TFDP2: variants seen among roughly 807,000 people sequenced by gnomAD.
TFDP2 encodes the protein transcription factor Dp-2 (E2F dimerization partner 2).
TFDP2 carries 17 observed loss-of-function variants against 59.3 expected under a neutral mutation model. That is an observed-to-expected ratio of 0.29 (90% confidence interval 0.20 to 0.43). TFDP2 has a LOEUF of 0.43. Ranked by LOEUF, TFDP2 falls within the 20% of genes least tolerant of loss-of-function variation. TFDP2 has a pLI of 1.00. For synonymous variants in TFDP2, 180 were observed against 194.7 expected (o/e 0.92, Z 0.63); for missense variants, 391 against 528.8 (o/e 0.74, Z 2.56).
At chr3:142,140,446 T>TG (rs1373890296) in intron 1 of TFDP2, among the ~76,000 whole-genome samples, 1 of 152,206 alleles carries the variant, frequency 6.6e-6, no homozygotes, top group Non-Finnish European at 1.5e-5. Flanking sequence ...AGAGGCACTC[T>TG]GGTTTTTAGA....
chr3:142,029,826 C>G (rs1049451474), intron 3 of TFDP2, among the ~76,000 whole-genome samples: 5 of 152,130 alleles, frequency 3.3e-5, no homozygotes, highest in African/African-American at 1.2e-4. Context: ...ATTTTGGGCC[C>G]TGGAGATACA....
intron 3 of TFDP2, among the ~76,000 whole-genome samples, chr3:142,088,613 C>CTTTT (rs112767886): frequency 8.1e-6 from 1 of 124,016 alleles, no homozygotes; most frequent in Non-Finnish European, 1.7e-5. Flanking sequence ...TTTTTTTTTT[C>CTTTT]TTTTTTTTTT....
At chr3:142,123,318 T>C (rs2062117838) in intron 1 of TFDP2, among the ~76,000 whole-genome samples, 1 of 152,000 alleles carries the variant, frequency 6.6e-6, no homozygotes, top group Non-Finnish European at 1.5e-5. Context: ...GTATTTTTAG[T>C]AGAGACGGGG....
chr3:141,973,886 A>G (rs73872519), intron 8 of TFDP2, among the ~76,000 whole-genome samples, 162 bp downstream of exon 8: 5,197 of 152,182 alleles, frequency 0.034, 312 homozygotes, highest in African/African-American at 0.12. Context: ...GACTATACCT[A>G]TAAGGCGCCT....
chr3:142,038,835 G>A (rs1946821925), intron 3 of TFDP2, among the ~76,000 whole-genome samples: 1 of 151,978 alleles, frequency 6.6e-6, no homozygotes, highest in African/African-American at 2.4e-5. Context: ...CACCATACAA[G>A]AATATCACAA....
intron 9 of TFDP2, among the ~76,000 whole-genome samples, chr3:141,964,515 G>C (rs1416546377): frequency 6.6e-6 from 1 of 152,118 alleles, no homozygotes; most frequent in Non-Finnish European, 1.5e-5. Flanking sequence ...AGCTGGGCAT[G>C]GTGGTATGTG....
At chr3:142,026,590 G>A (rs962791214) in intron 3 of TFDP2, among the ~76,000 whole-genome samples, 1 of 152,196 alleles carries the variant, frequency 6.6e-6, no homozygotes, top group Non-Finnish European at 1.5e-5. Context: ...CCTCATATGT[G>A]AAAGAGCTGG....
chr3:141,992,062 AAAAG>A (rs779484853), intron 6 of TFDP2, among the ~76,000 whole-genome samples: 26 of 144,830 alleles, frequency 1.8e-4, no homozygotes, highest in South Asian at 1.8e-3. Context: ...AAAAAGAAAG[AAAAG>A]AAAGAAAGAA....
In TFDP2 at chr3:141,953,006, T is replaced by A; in HGVS notation, c.1062A>T (p.Thr354=). 1 of 1,613,036 alleles carries A rather than the reference T, an allele frequency of 6.2e-7. No homozygotes were observed. Among genetic ancestry groups the A allele is most frequent in the Non-Finnish European group, 8.5e-7 (1 of 1,179,394 alleles). The part of the protein sequence containing the change: ...ALEGYITDIS[T]GPSWLNQGLL... ...GTCCCTGATTTAACCAAGAAGGTCC[T>A]GTGGAGATATCTAAAGGAAAAAATG... The change falls in exon 12 of 13, where the codon ACA becomes ACT. Residue 354 remains threonine, a synonymous_variant. Transcript: ENST00000489671.
intron 3 of TFDP2, among the ~76,000 whole-genome samples, chr3:142,063,715 T>C (rs972921532): frequency 2.0e-5 from 3 of 152,232 alleles, no homozygotes; most frequent in African/African-American, 7.2e-5. Flanking sequence ...ACTAGTCTTT[T>C]ATTTTAGACA....
chr3:142,039,040 G>C (rs1171961641), intron 3 of TFDP2, among the ~76,000 whole-genome samples: 1 of 152,116 alleles, frequency 6.6e-6, no homozygotes, highest in African/African-American at 2.4e-5. Context: ...TTATCCTCCA[G>C]AGAGGCTGTA....
chr3:142,063,657 A>C (rs1250611415), intron 3 of TFDP2, among the ~76,000 whole-genome samples: 1 of 152,210 alleles, frequency 6.6e-6, no homozygotes, highest in Non-Finnish European at 1.5e-5. Context: ...TAGCATAAAA[A>C]CAGAGGGTTG....
chr3:142,052,264 G>C (rs541463850), intron 3 of TFDP2, among the ~76,000 whole-genome samples: 2 of 152,174 alleles, frequency 1.3e-5, no homozygotes, highest in Admixed American at 1.3e-4. Context: ...TTGGCCGTGC[G>C]CGGTGGCTCA....
At chr3:142,106,774 C>T (rs963407333) in intron 1 of TFDP2, among the ~76,000 whole-genome samples, 2 of 152,208 alleles carry the variant, frequency 1.3e-5, no homozygotes, top group Non-Finnish European at 2.9e-5. Context: ...GCCATGATCT[C>T]GTCAGTTTCA....
At chr3:141,964,935 A>G (rs1196439760) in intron 9 of TFDP2, among the ~76,000 whole-genome samples, 1 of 152,160 alleles carries the variant, frequency 6.6e-6, no homozygotes, top group African/African-American at 2.4e-5. Context: ...CGCTACTTTT[A>G]GTTATAACCA....
chr3:141,982,248 A>C (rs1941569600), intron 6 of TFDP2, among the ~76,000 whole-genome samples: 1 of 152,230 alleles, frequency 6.6e-6, no homozygotes, highest in Non-Finnish European at 1.5e-5. Flanking sequence ...AATTAACTTC[A>C]GATATTTATT....
At chr3:142,094,257 C>T (rs2061091756) in intron 2 of TFDP2, among the ~76,000 whole-genome samples, 1 of 151,640 alleles carries the variant, frequency 6.6e-6, no homozygotes, top group Non-Finnish European at 1.5e-5. Flanking sequence ...TGTTACATTA[C>T]ACTAACTTGT....
intron 4 of TFDP2, 126 bp from the exon 5 acceptor site, chr3:141,995,267 G>T (rs1943160515): frequency 3.0e-6 from 2 of 666,340 alleles, no homozygotes; most frequent in South Asian, 5.5e-5. Flanking sequence ...CTTAATGTCA[G>T]TCATCTAAAA....
intron 1 of TFDP2, among the ~76,000 whole-genome samples, chr3:142,111,396 C>G (rs939083329): frequency 6.8e-6 from 1 of 148,010 alleles, no homozygotes; most frequent in Non-Finnish European, 1.5e-5. Flanking sequence ...CCACTGCACT[C>G]CGGCCTGGCC....
Sources: allele counts gnomAD v4.1 joint callset (sites outside exome capture counted in the v4.1 genomes callset), GRCh38; gene constraint gnomAD v4.1.1; transcripts MANE v1.5; gene names NCBI Gene and HGNC (gene_info 2026-07-23, HGNC 2026-07-21).